PDE1C: variants seen among roughly 807,000 people sequenced by gnomAD.
PDE1C encodes dual specificity calcium/calmodulin-dependent 3',5'-cyclic nucleotide phosphodiesterase 1C.
A neutral mutation model predicts 93.1 loss-of-function variants in PDE1C; 62 were observed. That is an observed-to-expected ratio of 0.67 (90% CI 0.54 to 0.82). The LOEUF (loss-of-function observed/expected upper bound fraction) is 0.82, where lower values mean the gene tolerates loss of function less well. Among genes scored for constraint, PDE1C ranks in the 40% least tolerant of loss-of-function variants. The probability of loss-of-function intolerance (pLI) is 0.00; values close to 1 mark genes in which losing one functional copy is unlikely to be tolerated. For synonymous variants in PDE1C, 325 were observed against 310.1 expected (o/e 1.05, Z -0.50); for missense variants, 742 against 884.6 (o/e 0.84, Z 2.04).
chr7:32,422,153 T>A (rs1785443801), intron 1 of PDE1C, among the ~76,000 whole-genome samples: 1 of 152,160 alleles, frequency 6.6e-6, no homozygotes, highest in Admixed American at 6.5e-5. Context: ...GTATTGCCTG[T>A]CACTAACCTA....
chr7:32,125,083 A>G (rs1272653322), intron 3 of PDE1C, among the ~76,000 whole-genome samples: 1 of 152,244 alleles, frequency 6.6e-6, no homozygotes, highest in African/African-American at 2.4e-5. Context: ...TTTGCAAAAG[A>G]AGACATTTAC....
intron 2 of PDE1C, among the ~76,000 whole-genome samples, chr7:32,036,928 A>C (rs1230834043): frequency 6.6e-6 from 1 of 152,144 alleles, no homozygotes; most frequent in Non-Finnish European, 1.5e-5. Flanking sequence ...GGTCACAGCA[A>C]TTTGTGTTTT....
chr7:31,778,048 C>T (rs908713667), intron 16 of PDE1C, among the ~76,000 whole-genome samples: 2 of 152,168 alleles, frequency 1.3e-5, no homozygotes, highest in African/African-American at 4.8e-5. Flanking sequence ...ATGGAGCCAG[C>T]AATTTGAATT....
intron 2 of PDE1C, among the ~76,000 whole-genome samples, chr7:31,896,013 A>ACATACATG (rs749663488): frequency 6.6e-6 from 1 of 151,810 alleles, no homozygotes; most frequent in African/African-American, 2.4e-5. Flanking sequence ...ATACATACAT[A>ACATACATG]CATACATACA....
chr7:31,621,817 G>A, the PDE1C span, among the ~76,000 whole-genome samples: 12 of 151,266 alleles, frequency 7.9e-5, no homozygotes, highest in African/African-American at 2.7e-4. Flanking sequence ...CTGGCAAATT[G>A]GATAAAGAGT....
the PDE1C span, chr7:31,655,634 T>G: frequency 1.8e-6 from 1 of 565,572 alleles, no homozygotes; most frequent in Non-Finnish European, 2.2e-6. Context: ...TCTCGTCGCC[T>G]CCCACTGCAT....
In PDE1C at chr7:32,008,861, G is replaced by C. The variant is rs190912563; in HGVS notation, c.128+42693C>G. Among the ~76,000 whole-genome samples, 3 of 152,088 alleles carry C rather than the reference G, an allele frequency of 2.0e-5. No homozygotes were observed. The East Asian group carries it at 5.8e-4, about 29-fold the overall frequency. The stretch of plus-strand genomic sequence containing the variant: ...TGTATTGATTAAGTTACAAAAGTTT[G>C]TTTACCTTACGTGTAAATCAATAGA... On this transcript the variant is annotated intron_variant, in intron 2 of 17. Transcript: ENST00000396191.
intron 1 of PDE1C, among the ~76,000 whole-genome samples, chr7:32,235,537 C>CA (rs1808014704): frequency 6.6e-6 from 1 of 151,976 alleles, no homozygotes; most frequent in African/African-American, 2.4e-5. Context: ...ACTAAAATTT[C>CA]AAAAACAATA....
At chr7:31,981,872 A>G (rs1812425283) in intron 2 of PDE1C, among the ~76,000 whole-genome samples, 1 of 152,256 alleles carries the variant, frequency 6.6e-6, no homozygotes. Context: ...AGACAGTTTC[A>G]TATCTTACAG....
the PDE1C span, among the ~76,000 whole-genome samples, chr7:31,666,226 A>G: frequency 2.0e-5 from 3 of 152,234 alleles, no homozygotes; most frequent in Non-Finnish European, 4.4e-5. Flanking sequence ...AATGCAAATA[A>G]TATTAATCCA....
intron 1 of PDE1C, chr7:32,209,617 C>G: frequency 1.7e-6 from 2 of 1,202,556 alleles, no homozygotes; most frequent in Non-Finnish European, 2.3e-6. Context: ...CAGCCAATCC[C>G]CTGGATGCTT....
At chr7:32,282,910 G>T (rs755221904) in intron 1 of PDE1C, among the ~76,000 whole-genome samples, 14 of 152,106 alleles carry the variant, frequency 9.2e-5, no homozygotes, top group Admixed American at 2.0e-4. Context: ...TCAAGTTATG[G>T]CTCTTTAAAG....
At chr7:32,147,953 C>G (rs1263172808) in intron 3 of PDE1C, among the ~76,000 whole-genome samples, 2 of 138,002 alleles carry the variant, frequency 1.4e-5, no homozygotes, top group African/African-American at 5.6e-5. Context: ...TACTTCCTCT[C>G]CCTGGAACTT....
At chr7:31,963,822 A>G (rs1475391620) in intron 2 of PDE1C, among the ~76,000 whole-genome samples, 1 of 152,224 alleles carries the variant, frequency 6.6e-6, no homozygotes, top group Non-Finnish European at 1.5e-5. Flanking sequence ...AAAGAATTTT[A>G]TAACCACTGA....
At chr7:32,070,903 C>T, upstream of PDE1C, 3 of 985,574 alleles carry the variant, frequency 3.0e-6, no homozygotes, top group Non-Finnish European at 3.6e-6. Context: ...GCGCACCCGG[C>T]TCCGCCCCGC....
At chr7:31,999,549 C>T (rs966749711) in intron 2 of PDE1C, among the ~76,000 whole-genome samples, 5 of 152,180 alleles carry the variant, frequency 3.3e-5, no homozygotes, top group African/African-American at 1.2e-4. Flanking sequence ...ACTTCACACT[C>T]AGCTTCAAGA....
the PDE1C span, among the ~76,000 whole-genome samples, chr7:31,701,437 G>A: frequency 6.6e-6 from 1 of 152,322 alleles, no homozygotes; most frequent in African/African-American, 2.4e-5. Flanking sequence ...GATCAGCAAA[G>A]AAAATGGTTT....
chr7:32,304,418 G>C (rs948522778), intron 1 of PDE1C, among the ~76,000 whole-genome samples: 1 of 152,188 alleles, frequency 6.6e-6, no homozygotes, highest in African/African-American at 2.4e-5. Flanking sequence ...GTGTGGCCAG[G>C]AGATGATGGG....
the PDE1C span, among the ~76,000 whole-genome samples, chr7:31,627,959 A>G: frequency 9.2e-5 from 14 of 152,178 alleles, no homozygotes; most frequent in Admixed American, 6.5e-4. Flanking sequence ...GAAAGGGGCT[A>G]TTTACTGAAG....
Sources: allele counts gnomAD v4.1 joint callset (sites outside exome capture counted in the v4.1 genomes callset), GRCh38; gene constraint gnomAD v4.1.1; transcripts MANE v1.5; gene names NCBI Gene and HGNC (gene_info 2026-07-23, HGNC 2026-07-21).